The following LINC00237 variants were observed in gnomAD, a reference collection of about 807,000 sequenced individuals.
LINC00237 encodes the protein long independently transcribed non-coding RNA 237.
At chr20:21,088,471 A>T (rs2030744584) in intron 2 of LINC00237, among the ~76,000 whole-genome samples, 1 of 152,228 alleles carries the variant, frequency 6.6e-6, no homozygotes, top group South Asian at 2.1e-4. Context: ...TGGCCAATAA[A>T]GACTGGAGAA....
rs1345120301 is a variant in LINC00237, at chr20:21,101,427, G to A, written n.88+4844C>T. The A allele has an allele frequency of 1.3e-5, 2 of 152,334 alleles. No homozygotes were observed. Among genetic ancestry groups the A allele is most frequent in the Non-Finnish European group, 2.9e-5 (2 of 68,148 alleles). 9.4% of individuals were successfully genotyped at this position (152,334 alleles called of 1,614,324 possible). ...CTCAAGACTTCACCCAGCGCTGGAG[G>A]TCGACCTTAATTTAGAGCGCTGCCC... On this transcript the variant is annotated intron_variant and non_coding_transcript_variant, in intron 1 of 3. Coordinates refer to ENST00000691244, the Ensembl canonical transcript of LINC00237. The surrounding 1 kb of genome is among the most constrained non-coding windows in gnomAD (Gnocchi z 4.3).
chr20:21,098,594 T>C (rs995059696), intron 1 of LINC00237, among the ~76,000 whole-genome samples: 2 of 152,172 alleles, frequency 1.3e-5, no homozygotes, highest in African/African-American at 2.4e-5. Context: ...CTCATTAGAG[T>C]ACCAGGACAA....
At chr20:21,088,506 A>G (rs957395396) in intron 2 of LINC00237, among the ~76,000 whole-genome samples, 14 of 152,200 alleles carry the variant, frequency 9.2e-5, no homozygotes, top group Admixed American at 8.5e-4. Context: ...ATTCTTTCTC[A>G]GGACAATTGG....
At chr20:21,103,769 C>G (rs1248427881) in intron 1 of LINC00237, among the ~76,000 whole-genome samples, 1 of 152,140 alleles carries the variant, frequency 6.6e-6, no homozygotes, top group Admixed American at 6.5e-5. Context: ...GCACCGCTGG[C>G]GTCCTGGCAC....
intron 2 of LINC00237, among the ~76,000 whole-genome samples, chr20:21,088,358 A>G (rs1300156145): frequency 1.3e-5 from 2 of 152,210 alleles, no homozygotes; most frequent in Non-Finnish European, 2.9e-5. Context: ...TGATACAGTG[A>G]TGGAGCCAGG....
At chr20:21,094,384 C>A (rs897741329) in intron 1 of LINC00237, among the ~76,000 whole-genome samples, 2 of 151,922 alleles carry the variant, frequency 1.3e-5, no homozygotes, top group Non-Finnish European at 2.9e-5. Flanking sequence ...GAAGAGCCAA[C>A]AATAAGAGGC....
intron 1 of LINC00237, among the ~76,000 whole-genome samples, chr20:21,103,536 T>A (rs997050319): frequency 6.6e-6 from 1 of 152,200 alleles, no homozygotes; most frequent in African/African-American, 2.4e-5. Flanking sequence ...AGCTGGCAAT[T>A]TGAACCGGCT....
chr20:21,091,479 A>G (rs1479267541), intron 2 of LINC00237, among the ~76,000 whole-genome samples: 2 of 152,216 alleles, frequency 1.3e-5, no homozygotes, highest in Non-Finnish European at 2.9e-5. Context: ...GTGGAGCCAC[A>G]GCCTTAGTTT....
chr20:21,102,137 T>C (rs2030940535), intron 1 of LINC00237, among the ~76,000 whole-genome samples: 1 of 152,224 alleles, frequency 6.6e-6, no homozygotes, highest in Non-Finnish European at 1.5e-5. Flanking sequence ...CTCAGCTGTT[T>C]GCGAACAGAG....
intron 1 of LINC00237, among the ~76,000 whole-genome samples, chr20:21,098,869 T>A (rs925385523): frequency 1.3e-5 from 2 of 152,228 alleles, no homozygotes; most frequent in Admixed American, 1.3e-4. Context: ...GTTGCACGAA[T>A]TAGAGCATCC....
At chr20:21,086,707 A>ATATGTATAGTATAC (rs2030709627) in intron 3 of LINC00237, among the ~76,000 whole-genome samples, 2 of 16,944 alleles carry the variant, frequency 1.2e-4, no homozygotes, top group African/African-American at 3.8e-4. Flanking sequence ...AGTATACTAT[A>ATATGTATAGTATAC]TATACATATA....
At position 21,101,831 on chromosome 20, in the gene LINC00237, T is replaced by C. The variant is rs2030936169; in HGVS notation, n.88+4440A>G. 6.6e-6 allele frequency among the ~76,000 whole-genome samples: 1 copy of C among 151,770 alleles called. No individual in the cohort carries two copies. The highest frequency in any genetic ancestry group is 2.1e-4 in the South Asian group (1 of 4,818). On this transcript the variant is annotated intron_variant and non_coding_transcript_variant, in intron 1 of 3. Transcript: ENST00000691244. This position sits in a 1 kb window ranked among gnomAD's most constrained non-coding sequence, Gnocchi z 4.3. ...AGGTGGGAGTTGGAACACAGCCCCC[T>C]AGCTGAGTGCAGGGGCCAGAGGCTG...
At chr20:21,102,949 C>T (rs895913634) in intron 1 of LINC00237, among the ~76,000 whole-genome samples, 2 of 152,368 alleles carry the variant, frequency 1.3e-5, no homozygotes, top group Non-Finnish European at 2.9e-5. Context: ...GCTCGCTCCT[C>T]CTTCTGTCAG....
intron 1 of LINC00237, among the ~76,000 whole-genome samples, chr20:21,095,936 G>T (rs183479063): frequency 2.0e-4 from 30 of 152,332 alleles, no homozygotes; most frequent in Non-Finnish European, 4.1e-4. Context: ...TCCAGCTCAA[G>T]TATGTGCTAC....
At chr20:21,085,884 A>G (rs753519035) in exon 4 of LINC00237, among the ~76,000 whole-genome samples, 8 of 152,230 alleles carry the variant, frequency 5.3e-5, no homozygotes, top group Non-Finnish European at 1.0e-4. Context: ...AGAAGACACA[A>G]GATCCTAGGT....
intron 2 of LINC00237, among the ~76,000 whole-genome samples, chr20:21,090,681 AG>A (rs2030780323): frequency 6.6e-6 from 1 of 152,160 alleles, no homozygotes; most frequent in Non-Finnish European, 1.5e-5. Flanking sequence ...AGTCCTCTTC[AG>A]GGGAGATGAG....
At chr20:21,094,788 AC>A (rs1160799880) in intron 1 of LINC00237, among the ~76,000 whole-genome samples, 1 of 152,114 alleles carries the variant, frequency 6.6e-6, no homozygotes, top group Non-Finnish European at 1.5e-5. Context: ...AATGGCTTAC[AC>A]CTGTATTCCC....
In LINC00237 at chr20:21,101,168, C is replaced by T. The variant is rs1200343419; in HGVS notation, n.88+5103G>A. Among the ~76,000 whole-genome samples, 1 of 152,160 alleles carries T rather than the reference C, an allele frequency of 6.6e-6. No homozygotes were observed. The highest frequency in any genetic ancestry group is 2.4e-5 in the African/African-American group (1 of 41,430). ...TGGGATGGGGAAATTACTTGATTAG[C>T]GTCCATCGGAGGAGAACACGGTTAC... On this transcript the variant is annotated intron_variant and non_coding_transcript_variant, in intron 1 of 3. Transcript: ENST00000691244. This position sits in a 1 kb window ranked among gnomAD's most constrained non-coding sequence, Gnocchi z 4.3.
At chr20:21,105,154 TC>T (rs2030982601) in intron 1 of LINC00237, among the ~76,000 whole-genome samples, 1 of 152,078 alleles carries the variant, frequency 6.6e-6, no homozygotes, top group Admixed American at 6.5e-5. Flanking sequence ...GCCCACCGGG[TC>T]CCCTTTCGAA....
Sources: gnomAD v4.1 joint callset for allele counts (sites outside exome capture counted in the v4.1 genomes callset) on GRCh38, gnomAD v4.1.1 for gene constraint, Gnocchi (gnomAD v3.1) non-coding constraint, MANE v1.5 for transcripts, NCBI Gene and HGNC (gene_info 2026-07-23, HGNC 2026-07-21) for gene names.